GALNT13: variants seen among roughly 807,000 people sequenced by gnomAD.
GALNT13 encodes the protein polypeptide N-acetylgalactosaminyltransferase 13, also known as UDP-GalNAc:polypeptide N-acetylgalactosaminyltransferase 13.
A neutral mutation model predicts 64.2 loss-of-function variants in GALNT13; 28 were observed. That is an observed-to-expected ratio of 0.44 (90% CI 0.32 to 0.60). The LOEUF is 0.60. Ranked by LOEUF, GALNT13 falls within the 20% of genes least tolerant of loss-of-function variation. The pLI, the probability that GALNT13 is intolerant of heterozygous loss-of-function variation, is 0.05. For missense variants in GALNT13, 577 were observed against 669.8 expected (o/e 0.86, Z 1.53); for synonymous variants, 214 against 224.6 (o/e 0.95, Z 0.42).
intron 9 of GALNT13, among the ~76,000 whole-genome samples, chr2:154,391,135 C>T (rs896034529): frequency 2.3e-4 from 35 of 152,218 alleles, no homozygotes; most frequent in African/African-American, 8.2e-4. Flanking sequence ...CTTTCATAGG[C>T]CTTTGTTGTA....
chr2:154,137,978 C>T (rs1164078716), intron 3 of GALNT13, among the ~76,000 whole-genome samples: 2 of 151,992 alleles, frequency 1.3e-5, no homozygotes, highest in Non-Finnish European at 2.9e-5. Context: ...ATCCCCCCAC[C>T]CCTTCCCACT....
At position 154,242,222 on chromosome 2, in the gene GALNT13, TTTTG is replaced by T. The variant is rs774095161; in HGVS notation, c.478+30_478+33del. 33 of 1,592,990 alleles carry T rather than the reference TTTTG, an allele frequency of 2.1e-5. No homozygotes were observed. The East Asian group carries it at 7.4e-4, about 36-fold the overall frequency. Reference sequence around the variant, plus strand: ...GTACAAACTGGTTTTTTGTTTTTGTTTTTGTTTTTTTGTTTTGTTTTGTTTTGTT... The same window carrying T: ...GTACAAACTGGTTTTTTGTTTTTGTTTTTTTTTGTTTTGTTTTGTTTTGTT... On this transcript the variant is annotated intron_variant, in intron 5 of 12. Coordinates refer to ENST00000392825, the MANE Select transcript of GALNT13 (RefSeq NM_052917.4).
intron 4 of GALNT13, among the ~76,000 whole-genome samples, chr2:154,214,030 GA>G (rs1430473223): frequency 5.9e-5 from 9 of 151,980 alleles, no homozygotes; most frequent in Non-Finnish European, 1.0e-4. Flanking sequence ...CTGCCTACTA[GA>G]ATATTCCACT....
chr2:154,242,411 C>G (rs973674870), intron 5 of GALNT13, among the ~76,000 whole-genome samples: 2 of 152,080 alleles, frequency 1.3e-5, no homozygotes, highest in Non-Finnish European at 2.9e-5. Context: ...TTCACTTTCT[C>G]TCATGATTCT....
intron 3 of GALNT13, among the ~76,000 whole-genome samples, chr2:154,027,534 C>G (rs1206961574): frequency 6.6e-6 from 1 of 151,960 alleles, no homozygotes; most frequent in Non-Finnish European, 1.5e-5. Flanking sequence ...CATAATGGGT[C>G]TCTATTTGGA....
chr2:153,079,374 T>A, the GALNT13 span, among the ~76,000 whole-genome samples: 4 of 152,246 alleles, frequency 2.6e-5, no homozygotes, highest in Non-Finnish European at 4.4e-5. Context: ...ATTCTGCTCA[T>A]AGCAGTTACA....
At chr2:153,622,500 G>A in the GALNT13 span, among the ~76,000 whole-genome samples, 1 of 152,144 alleles carries the variant, frequency 6.6e-6, no homozygotes, top group African/African-American at 2.4e-5. Context: ...TTGAGGTAAG[G>A]CAAAGATGAT....
intron 1 of GALNT13, among the ~76,000 whole-genome samples, chr2:153,895,046 A>G (rs72863641): frequency 0.071 from 10,832 of 152,184 alleles, 453 homozygotes; most frequent in Middle Eastern, 0.13. Context: ...TGTGGAATCT[A>G]CAGACTAGGA....
the GALNT13 span, among the ~76,000 whole-genome samples, chr2:153,272,906 C>A: frequency 3.9e-5 from 6 of 152,254 alleles, no homozygotes; most frequent in African/African-American, 1.4e-4. Flanking sequence ...GAAAATGTGG[C>A]ACATATACAC....
At chr2:153,493,836 A>G in the GALNT13 span, among the ~76,000 whole-genome samples, 1 of 151,948 alleles carries the variant, frequency 6.6e-6, no homozygotes, top group African/African-American at 2.4e-5. Flanking sequence ...ATTTCACATC[A>G]AGAAAAAAAA....
chr2:153,486,844 C>A, the GALNT13 span, among the ~76,000 whole-genome samples: 2 of 152,162 alleles, frequency 1.3e-5, no homozygotes, highest in African/African-American at 4.8e-5. Context: ...ATGATTTAGA[C>A]TTTGGAGTGA....
At chr2:154,283,506 A>G (rs1237452696) in intron 8 of GALNT13, among the ~76,000 whole-genome samples, 2 of 151,560 alleles carry the variant, frequency 1.3e-5, no homozygotes, top group East Asian at 3.9e-4. Flanking sequence ...TGATTTTTTT[A>G]CTATATATAA....
intron 3 of GALNT13, among the ~76,000 whole-genome samples, chr2:154,070,500 CAGAAG>C (rs1700683737): frequency 6.6e-6 from 1 of 151,850 alleles, no homozygotes; most frequent in Non-Finnish European, 1.5e-5. Flanking sequence ...TAGTGAAGAA[CAGAAG>C]AGATCATGAA....
the GALNT13 span, among the ~76,000 whole-genome samples, chr2:153,664,599 G>A: frequency 6.6e-6 from 1 of 152,174 alleles, no homozygotes; most frequent in Non-Finnish European, 1.5e-5. Flanking sequence ...GAAATTATAA[G>A]AGTATTGATT....
At chr2:154,193,925 T>TTAA (rs1401103324) in intron 4 of GALNT13, among the ~76,000 whole-genome samples, 1 of 152,182 alleles carries the variant, frequency 6.6e-6, no homozygotes, top group African/African-American at 2.4e-5. Flanking sequence ...GCAAGATGTG[T>TTAA]TAATTCCTGT....
rs1381358690 is a variant in GALNT13 at position 154,206,515 on chromosome 2, T to C, written c.312-35515T>C. On this transcript the variant is annotated intron_variant, in intron 4 of 12. Transcript: ENST00000392825. ...TCTAGGGGTACAAGAGGAACGGGGG[T>C]CGGGCGCGGTGGCTCACGCCTGTAA... 2.0e-5 allele frequency among the ~76,000 whole-genome samples: 3 copies of C among 150,896 alleles called. No individual in the cohort carries two copies. In the East Asian group the frequency reaches 6.0e-4, roughly 30 times the overall value.
the GALNT13 span, among the ~76,000 whole-genome samples, chr2:153,224,365 A>T: frequency 6.6e-6 from 1 of 152,124 alleles, no homozygotes; most frequent in Non-Finnish European, 1.5e-5. Flanking sequence ...TGGGCTGAAA[A>T]ACTACCTATC....
chr2:153,733,400 A>G, the GALNT13 span, among the ~76,000 whole-genome samples: 1 of 152,302 alleles, frequency 6.6e-6, no homozygotes, highest in African/African-American at 2.4e-5. Context: ...ATATGCAGCT[A>G]CTAACACAGT....
intron 3 of GALNT13, among the ~76,000 whole-genome samples, chr2:154,121,908 T>A (rs1681966253): frequency 6.6e-6 from 1 of 152,130 alleles, no homozygotes; most frequent in Non-Finnish European, 1.5e-5. Context: ...AGGAGAGGAA[T>A]TCCTTGCCTT....
Sources: gnomAD v4.1 joint callset for allele counts (sites outside exome capture counted in the v4.1 genomes callset) on GRCh38, gnomAD v4.1.1 for gene constraint, MANE v1.5 for transcripts, NCBI Gene and HGNC (gene_info 2026-07-23, HGNC 2026-07-21) for gene names.